The following COL22A1 variants were observed in gnomAD, a reference collection of about 807,000 sequenced individuals.
The protein encoded by COL22A1 is collagen type XXII alpha 1 chain, also known as collagen alpha-1(XXII) chain.
Under a neutral mutation model 248.9 loss-of-function variants are expected in COL22A1, and 221 were observed. The observed-to-expected ratio is 0.89, with a 90% confidence interval of 0.80 to 0.99. The LOEUF (loss-of-function observed/expected upper bound fraction) is 0.99. Ranked by LOEUF, COL22A1 falls within the 50% of genes least tolerant of loss-of-function variation. The pLI is 0.00. For missense variants in COL22A1, 2,240 were observed against 2,179.0 expected (o/e 1.03, Z -0.56); for synonymous variants, 891 against 793.4 (o/e 1.12, Z -2.07).
At chr8:138,801,622 T>C (rs1237468556) in intron 11 of COL22A1, among the ~76,000 whole-genome samples, 1 of 152,172 alleles carries the variant, frequency 6.6e-6, no homozygotes, top group Non-Finnish European at 1.5e-5. Context: ...AATGTGTAAA[T>C]GAGGCTTTAC....
chr8:138,900,292 G>A (rs557445880), intron 1 of COL22A1, among the ~76,000 whole-genome samples: 1 of 152,288 alleles, frequency 6.6e-6, no homozygotes, highest in African/African-American at 2.4e-5. Flanking sequence ...TGGCCATCAG[G>A]AGTGTTTGGT....
At chr8:138,695,534 G>A (rs1480045337) in intron 32 of COL22A1, among the ~76,000 whole-genome samples, 1 of 151,940 alleles carries the variant, frequency 6.6e-6, no homozygotes, top group African/African-American at 2.4e-5. Flanking sequence ...GCTGGGGAGG[G>A]GTGCTTAACT....
chr8:138,851,169 G>A (rs1482164857), intron 3 of COL22A1, among the ~76,000 whole-genome samples: 2 of 152,182 alleles, frequency 1.3e-5, no homozygotes, highest in African/African-American at 4.8e-5. Context: ...CGGGGACACT[G>A]GACAGATGCT....
In COL22A1 at chr8:138,705,246, G is replaced by A. The variant is rs577600269; in HGVS notation, c.2518-1899C>T. ...CAGGAGAACTTCCCCAACTTAGCGA[G>A]GCAGGCCAACGTTCAAATTCAGGAA... is the stretch of plus-strand genomic sequence containing the variant. On this transcript the variant is annotated intron_variant, in intron 30 of 64. Transcript: ENST00000303045. 4.6e-5 allele frequency among the ~76,000 whole-genome samples: 7 copies of A among 152,264 alleles called. 1 individual carries two copies. In the South Asian group the frequency reaches 6.2e-4, roughly 14 times the overall value.
rs543006467 is a variant in COL22A1 at position 138,893,956 on chromosome 8, A to G, written c.-72-10712T>C. On this transcript the variant is annotated intron_variant, in intron 1 of 64. Transcript: ENST00000303045. ...GGTGATGCCTGAGCTGAGTCTGGAAAGATGAGTGGGAAGTAGGCAAAAGGA... is the reference window on the plus strand; with the variant it reads ...GGTGATGCCTGAGCTGAGTCTGGAAGGATGAGTGGGAAGTAGGCAAAAGGA... Among the ~76,000 whole-genome samples the G allele has an allele frequency of 1.6e-3, 251 of 152,344 alleles. 4 individuals are homozygous for G. The highest frequency in any genetic ancestry group is 6.0e-3 in the African/African-American group (249 of 41,576).
At chr8:138,772,913 T>C (rs1279675638) in intron 16 of COL22A1, among the ~76,000 whole-genome samples, 1 of 152,188 alleles carries the variant, frequency 6.6e-6, no homozygotes, top group African/African-American at 2.4e-5. Context: ...TTTGGATTTC[T>C]TCAGAATGTC....
chr8:138,802,975 C>T (rs1563781472), intron 10 of COL22A1, 41 bp from the exon 11 acceptor site: 8 of 1,512,100 alleles, frequency 5.3e-6, no homozygotes, highest in Non-Finnish European at 7.4e-6. Context: ...GATTAGGTTT[C>T]CCGACAGGGC....
chr8:138,714,179 C>A (rs1320177785), intron 30 of COL22A1, among the ~76,000 whole-genome samples: 2 of 152,154 alleles, frequency 1.3e-5, no homozygotes, highest in Admixed American at 1.3e-4. Context: ...AGAGTCAGAC[C>A]CTGTGGGCTG....
intron 41 of COL22A1, among the ~76,000 whole-genome samples, chr8:138,666,256 G>C (rs1035028280): frequency 6.6e-6 from 1 of 152,134 alleles, no homozygotes; most frequent in Non-Finnish European, 1.5e-5. Flanking sequence ...CAGACACATA[G>C]GGAGGTCTGG....
chr8:138,807,273 G>GATAAACAGT (rs1479867811), intron 10 of COL22A1, among the ~76,000 whole-genome samples: 1 of 152,180 alleles, frequency 6.6e-6, no homozygotes, highest in Non-Finnish European at 1.5e-5. Flanking sequence ...ACTGTGCCTT[G>GATAAACAGT]ATAAACAGTA....
At chr8:138,799,166 T>C (rs11992506) in intron 11 of COL22A1, among the ~76,000 whole-genome samples, 38,804 of 152,134 alleles carry the variant, frequency 0.26, 5,116 homozygotes, top group South Asian at 0.32. Flanking sequence ...TGGTTCTTTA[T>C]AATTTCTAAC....
chr8:138,885,386 T>C (rs148934368), intron 1 of COL22A1, among the ~76,000 whole-genome samples: 26 of 152,216 alleles, frequency 1.7e-4, no homozygotes, highest in African/African-American at 5.3e-4. Context: ...GAGCAGGCAT[T>C]GGACACCCCA....
At chr8:138,829,506 C>G (rs1288795158) in intron 5 of COL22A1, among the ~76,000 whole-genome samples, 1 of 146,964 alleles carries the variant, frequency 6.8e-6, no homozygotes, top group Non-Finnish European at 1.5e-5. Context: ...CGGGCTCAAC[C>G]AATTCTCCTG....
intron 12 of COL22A1, among the ~76,000 whole-genome samples, chr8:138,789,212 A>G (rs753551041): frequency 5.9e-5 from 9 of 152,266 alleles, no homozygotes; most frequent in African/African-American, 2.2e-4. Context: ...AACTTCCCCA[A>G]TGTGTCCTTC....
chr8:138,843,259 G>A (rs1243109278), intron 4 of COL22A1, among the ~76,000 whole-genome samples: 1 of 152,140 alleles, frequency 6.6e-6, no homozygotes, highest in African/African-American at 2.4e-5. Flanking sequence ...AGGTCCCTGG[G>A]ATGCAAGCAG....
At chr8:138,766,684 A>G (rs1224650924) in intron 16 of COL22A1, among the ~76,000 whole-genome samples, 1 of 152,100 alleles carries the variant, frequency 6.6e-6, no homozygotes, top group East Asian at 1.9e-4. Context: ...AGGACAGAAG[A>G]GAGAGTTTGA....
At chr8:138,766,170 C>A (rs1275107109) in intron 16 of COL22A1, among the ~76,000 whole-genome samples, 1 of 152,198 alleles carries the variant, frequency 6.6e-6, no homozygotes, top group African/African-American at 2.4e-5. Flanking sequence ...GTGCCTGTTG[C>A]CCAAGTCCCT....
chr8:138,594,235 A>G, intron 62 of COL22A1, 36 bp from the exon 63 acceptor site: 2 of 1,548,924 alleles, frequency 1.3e-6, no homozygotes, highest in African/African-American at 2.9e-5. Flanking sequence ...TTCATGAAGA[A>G]CAGATAGTGG....
In COL22A1 at chr8:138,737,465, CATTT is replaced by C. The variant is rs1474492045; in HGVS notation, c.2139+55_2139+58del. On this transcript the variant is annotated intron_variant, in intron 23 of 64. Transcript: ENST00000303045. ...GCCCACCTGAGAGCTGCTGCCTGGT[CATTT>C]ATTTAATCAGAGAAAAGCAGCGTTG... The C allele has an allele frequency of 1.5e-5, 19 of 1,234,232 alleles. No homozygotes were observed. The African/African-American group carries it at 2.1e-4, about 13-fold the overall frequency. The allele number at this position is 1,234,232 out of a possible 1,614,324, so 76.5% of individuals were successfully genotyped here.
Sources: gnomAD v4.1 joint callset for allele counts (sites outside exome capture counted in the v4.1 genomes callset) on GRCh38, gnomAD v4.1.1 for gene constraint, MANE v1.5 for transcripts, NCBI Gene and HGNC (gene_info 2026-07-23, HGNC 2026-07-21) for gene names.